Variants in PDZD2 observed in about 807,000 individuals in gnomAD.
PDZD2 encodes the protein PDZ domain-containing protein 2.
A neutral mutation model predicts 220.7 loss-of-function variants in PDZD2; 90 were observed. That is an observed-to-expected ratio of 0.41 (90% CI 0.34 to 0.49). PDZD2 has a LOEUF of 0.49. PDZD2 is among the 20% of genes least tolerant of loss of function. The pLI is 0.28. For synonymous variants in PDZD2, 1,375 were observed against 1,450.5 expected, an observed-to-expected ratio of 0.95 and a Z score of 1.18; for missense variants, 3,174 against 3,608.5, an observed-to-expected ratio of 0.88 and a Z score of 3.08.
At chr5:31,651,521 A>C (rs899688315) in intron 1 of PDZD2, among the ~76,000 whole-genome samples, 5 of 152,168 alleles carry the variant, frequency 3.3e-5, no homozygotes, top group Non-Finnish European at 5.9e-5. Flanking sequence ...GGGGAATGTC[A>C]CCACCCACCA....
intron 1 of PDZD2, among the ~76,000 whole-genome samples, chr5:31,790,858 C>G (rs1398220517): frequency 6.6e-6 from 1 of 151,800 alleles, no homozygotes; most frequent in South Asian, 2.1e-4. Flanking sequence ...ACCACCGCAC[C>G]CAGCTAATTT....
intron 1 of PDZD2, among the ~76,000 whole-genome samples, chr5:31,642,305 C>G (rs1300772414): frequency 1.3e-5 from 2 of 152,110 alleles, no homozygotes; most frequent in African/African-American, 4.8e-5. Context: ...ATGCTGAGGT[C>G]AGAGTTGAGT....
chr5:31,956,556 A>T (rs551617503), intron 2 of PDZD2, among the ~76,000 whole-genome samples: 13,001 of 146,468 alleles, frequency 0.089, 636 homozygotes, highest in Middle Eastern at 0.13. Flanking sequence ...CAAAAAAAAA[A>T]AAATAAATAA....
chr5:32,009,660 G>C (rs529251714), intron 5 of PDZD2, among the ~76,000 whole-genome samples: 1 of 152,050 alleles, frequency 6.6e-6, no homozygotes, highest in South Asian at 2.1e-4. Flanking sequence ...TGAGCCCAGA[G>C]GTTTGAGGTT....
intron 21 of PDZD2, among the ~76,000 whole-genome samples, chr5:32,097,019 G>A (rs993071096): frequency 1.3e-5 from 2 of 151,558 alleles, no homozygotes; most frequent in African/African-American, 4.8e-5. Context: ...TAGAGACAGG[G>A]TTTTGCCACA....
At chr5:31,978,533 C>T (rs543619578) in intron 2 of PDZD2, among the ~76,000 whole-genome samples, 2 of 152,122 alleles carry the variant, frequency 1.3e-5, no homozygotes, top group South Asian at 2.1e-4. Context: ...TCCTGGCTAA[C>T]ATGGTGAAAC....
chr5:31,645,895 GGGA>G (rs962959917), intron 1 of PDZD2, among the ~76,000 whole-genome samples: 2 of 152,094 alleles, frequency 1.3e-5, no homozygotes, highest in African/African-American at 4.8e-5. Flanking sequence ...GAGTTGTACT[GGGA>G]GGAGGGTGGG....
intron 2 of PDZD2, among the ~76,000 whole-genome samples, chr5:31,881,890 G>A (rs1432548377): frequency 1.3e-5 from 2 of 148,426 alleles, no homozygotes; most frequent in Non-Finnish European, 3.0e-5. Flanking sequence ...AATTCCTTTG[G>A]TACTTTTTAG....
intron 2 of PDZD2, among the ~76,000 whole-genome samples, chr5:31,826,373 T>C (rs1443212330): frequency 6.6e-6 from 1 of 152,128 alleles, no homozygotes; most frequent in East Asian, 1.9e-4. Context: ...TCCCTTTTAT[T>C]TTTTACAAGA....
intron 2 of PDZD2, among the ~76,000 whole-genome samples, chr5:31,868,746 T>G (rs1738464326): frequency 6.6e-6 from 1 of 152,174 alleles, no homozygotes; most frequent in African/African-American, 2.4e-5. Flanking sequence ...TGCTCATTCA[T>G]AAAATGAGGC....
chr5:31,657,571 G>T (rs975529763), intron 1 of PDZD2, among the ~76,000 whole-genome samples: 2 of 152,180 alleles, frequency 1.3e-5, no homozygotes, highest in Non-Finnish European at 2.9e-5. Context: ...CCTTGCAAAA[G>T]TCAGCCAAGG....
chr5:31,669,915 A>G (rs966773472), intron 1 of PDZD2, among the ~76,000 whole-genome samples: 7 of 152,238 alleles, frequency 4.6e-5, no homozygotes, highest in African/African-American at 1.7e-4. Flanking sequence ...ACTCTGAGCC[A>G]GGACTATACT....
intron 2 of PDZD2, among the ~76,000 whole-genome samples, chr5:31,947,238 T>A (rs550070655): frequency 6.6e-6 from 1 of 152,290 alleles, no homozygotes; most frequent in South Asian, 2.1e-4. Context: ...GTTGATGAAA[T>A]CCACTATTCT....
chr5:31,954,416 T>C (rs566993578), intron 2 of PDZD2, among the ~76,000 whole-genome samples: 18 of 150,932 alleles, frequency 1.2e-4, no homozygotes, highest in Non-Finnish European at 2.2e-4. Context: ...AATTTTCTTA[T>C]GGTTTGAATA....
intron 1 of PDZD2, among the ~76,000 whole-genome samples, chr5:31,677,334 C>CATGTGATGGAGTACTATTTAGT (rs143497445): frequency 1.6e-5 from 1 of 61,560 alleles, no homozygotes; most frequent in African/African-American, 4.6e-5. Context: ...GAGGTATATC[C>CATGTGATGGAGTACTATTTAGT]GGCCGGGCGC....
chr5:32,029,226 A>C (rs886365722), intron 6 of PDZD2, among the ~76,000 whole-genome samples: 1 of 150,870 alleles, frequency 6.6e-6, no homozygotes, highest in Non-Finnish European at 1.5e-5. Context: ...CGCCCTTAAC[A>C]TTTAGAAAGA....
intron 2 of PDZD2, among the ~76,000 whole-genome samples, chr5:31,891,309 G>A (rs1367359247): frequency 1.3e-5 from 2 of 148,766 alleles, no homozygotes; most frequent in African/African-American, 2.5e-5. Flanking sequence ...GCTAATTTTT[G>A]TATTTTTATT....
At chr5:31,776,952 G>T (rs1752695575) in intron 1 of PDZD2, among the ~76,000 whole-genome samples, 1 of 152,082 alleles carries the variant, frequency 6.6e-6, no homozygotes, top group African/African-American at 2.4e-5. Context: ...CGTGCTGGCG[G>T]CCCTCACTCA....
intron 2 of PDZD2, among the ~76,000 whole-genome samples, chr5:31,967,959 T>C (rs944915721): frequency 2.0e-5 from 3 of 152,208 alleles, no homozygotes; most frequent in Non-Finnish European, 2.9e-5. Context: ...GCAGTTGATA[T>C]GATTGCATGG....
Sources: gnomAD v4.1 joint callset for allele counts (sites outside exome capture counted in the v4.1 genomes callset) on GRCh38, gnomAD v4.1.1 for gene constraint, MANE v1.5 for transcripts, NCBI Gene and HGNC (gene_info 2026-07-23, HGNC 2026-07-21) for gene names.